LRRC37A2: variants seen among roughly 807,000 people sequenced by gnomAD.
The protein encoded by LRRC37A2 is leucine-rich repeat-containing protein 37A2.
A neutral mutation model predicts 68.8 loss-of-function variants in LRRC37A2; 9 were observed. That is an observed-to-expected ratio of 0.13 (90% CI 0.08 to 0.23). The LOEUF (loss-of-function observed/expected upper bound fraction) is 0.23. LRRC37A2 is among the 10% of genes least tolerant of loss of function. The pLI is 1.00. For missense variants in LRRC37A2, 168 were observed against 950.4 expected (o/e 0.18, Z 10.82); for synonymous variants, 63 against 367.6 (o/e 0.17, Z 9.48).
chr17:46,855,409 G>A, the LRRC37A2 span, among the ~76,000 whole-genome samples: 40 of 152,300 alleles, frequency 2.6e-4, no homozygotes, highest in African/African-American at 8.2e-4. Context: ...GACAGGAGGC[G>A]GACCAGAGGT....
the LRRC37A2 span, chr17:46,949,050 C>T: frequency 6.6e-6 from 1 of 152,232 alleles, no homozygotes; most frequent in Non-Finnish European, 1.5e-5. Context: ...CACCACAAAA[C>T]ATAGGGGCTG....
chr17:46,728,834 A>G, the LRRC37A2 span: 1 of 1,553,026 alleles, frequency 6.4e-7, no homozygotes, highest in Non-Finnish European at 8.8e-7. Context: ...ATCCCTAAAC[A>G]TAATAATGTT....
the LRRC37A2 span, among the ~76,000 whole-genome samples, chr17:46,583,440 C>T: frequency 4.1e-5 from 3 of 73,978 alleles, no homozygotes; most frequent in East Asian, 7.3e-4. Flanking sequence ...GGATTACAGG[C>T]GCACACCACC....
At chr17:46,887,863 T>C in the LRRC37A2 span, among the ~76,000 whole-genome samples, 1 of 152,134 alleles carries the variant, frequency 6.6e-6, no homozygotes, top group Non-Finnish European at 1.5e-5. Flanking sequence ...GCCCCAGGGA[T>C]GAAGCAATTA....
the LRRC37A2 span, among the ~76,000 whole-genome samples, chr17:46,825,937 C>G: frequency 6.6e-6 from 1 of 152,226 alleles, no homozygotes; most frequent in African/African-American, 2.4e-5. Flanking sequence ...GCAGGAGAAT[C>G]ACTTGAATCC....
the LRRC37A2 span, among the ~76,000 whole-genome samples, chr17:46,810,739 C>T: frequency 6.6e-6 from 1 of 151,972 alleles, no homozygotes; most frequent in Non-Finnish European, 1.5e-5. Flanking sequence ...GTGACCTGAA[C>T]GCGGAATACA....
the LRRC37A2 span, among the ~76,000 whole-genome samples, chr17:46,737,690 G>A: frequency 2.6e-5 from 4 of 151,876 alleles, no homozygotes; most frequent in Admixed American, 6.6e-5. Context: ...ATAGAGTTAG[G>A]TTTTATATGT....
the LRRC37A2 span, chr17:47,019,330 T>C: frequency 6.2e-7 from 1 of 1,609,576 alleles, no homozygotes; most frequent in South Asian, 1.1e-5. Flanking sequence ...CATTCACACC[T>C]GACTCAAGCC....
chr17:46,811,078 C>G, the LRRC37A2 span, among the ~76,000 whole-genome samples: 2 of 152,160 alleles, frequency 1.3e-5, no homozygotes, highest in Admixed American at 1.3e-4. Flanking sequence ...TGTCCCCATC[C>G]TGACCCCTGC....
chr17:46,950,866 T>C, the LRRC37A2 span, among the ~76,000 whole-genome samples: 2 of 152,184 alleles, frequency 1.3e-5, no homozygotes, highest in African/African-American at 4.8e-5. Flanking sequence ...CAAGCCAGAC[T>C]TTCTGGGGGA....
the LRRC37A2 span, among the ~76,000 whole-genome samples, chr17:46,635,818 T>TGTGTGC: frequency 2.6e-3 from 356 of 138,406 alleles, 28 homozygotes; most frequent in African/African-American, 8.7e-3. Context: ...TGTGTGTGTG[T>TGTGTGC]GCTCGTGTGT....
the LRRC37A2 span, among the ~76,000 whole-genome samples, chr17:46,895,206 G>A: frequency 2.0e-5 from 3 of 152,248 alleles, no homozygotes; most frequent in Non-Finnish European, 2.9e-5. Flanking sequence ...CCCAGCCTGG[G>A]TTCAGCCACC....
chr17:46,888,980 T>C, the LRRC37A2 span, among the ~76,000 whole-genome samples: 2 of 152,136 alleles, frequency 1.3e-5, no homozygotes, highest in Non-Finnish European at 2.9e-5. Context: ...AAGCTTTGAC[T>C]CCAGGTGCCT....
chr17:46,856,073 T>C, the LRRC37A2 span, among the ~76,000 whole-genome samples: 1 of 152,218 alleles, frequency 6.6e-6, no homozygotes, highest in Non-Finnish European at 1.5e-5. Context: ...ATAATTAACT[T>C]TGGTGATGTT....
the LRRC37A2 span, among the ~76,000 whole-genome samples, chr17:46,707,477 A>G: frequency 2.0e-5 from 3 of 152,052 alleles, no homozygotes; most frequent in African/African-American, 7.2e-5. Context: ...ACCACCATCC[A>G]TCTCTAAAAC....
At chr17:46,990,948 G>C in the LRRC37A2 span, among the ~76,000 whole-genome samples, 2 of 152,180 alleles carry the variant, frequency 1.3e-5, no homozygotes, top group Non-Finnish European at 2.9e-5. Flanking sequence ...TGGGATTACA[G>C]GTGTGAGCCA....
At chr17:46,742,130 G>A in the LRRC37A2 span, among the ~76,000 whole-genome samples, 3 of 152,190 alleles carry the variant, frequency 2.0e-5, no homozygotes, top group East Asian at 5.8e-4. Context: ...AGAAGTCTGT[G>A]TTATCCAGTC....
the LRRC37A2 span, among the ~76,000 whole-genome samples, chr17:46,675,954 A>C: frequency 3.7e-5 from 5 of 134,194 alleles, no homozygotes; most frequent in Non-Finnish European, 6.1e-5. Context: ...CTTCAGAAAG[A>C]AAACTGGATC....
At chr17:46,773,643 C>T in the LRRC37A2 span, 3 of 1,105,056 alleles carry the variant, frequency 2.7e-6, no homozygotes, top group Non-Finnish European at 3.7e-6. Context: ...CAGCCCCTCC[C>T]CCCCCCTCAG....
Sources: allele counts gnomAD v4.1 joint callset (sites outside exome capture counted in the v4.1 genomes callset), GRCh38; gene constraint gnomAD v4.1.1; transcripts MANE v1.5; gene names NCBI Gene and HGNC (gene_info 2026-07-23, HGNC 2026-07-21).